The following BLVRA variants were observed in gnomAD, a reference collection of about 807,000 sequenced individuals.
BLVRA encodes biliverdin reductase A, also known as BVR A.
Under a neutral mutation model 32.8 loss-of-function variants are expected in BLVRA, and 22 were observed. That is an observed-to-expected ratio of 0.67 (90% CI 0.48 to 0.96). BLVRA has a LOEUF of 0.96. Ranked by LOEUF, BLVRA falls within the 40% of genes least tolerant of loss-of-function variation. The pLI is 0.00. For synonymous variants in BLVRA, 119 were observed against 141.3 expected (o/e 0.84, Z 1.12); for missense variants, 323 against 358.1 (o/e 0.90, Z 0.79).
At chr7:43,792,934 C>T in intron 5 of BLVRA, 122 bp downstream of exon 5, 1 of 918,608 alleles carries the variant, frequency 1.1e-6, no homozygotes, top group Non-Finnish European at 1.7e-6. Context: ...TGTGGGCTCC[C>T]AACTGCCTCC....
At chr7:43,798,199 A>C (rs376738654) in intron 5 of BLVRA, among the ~76,000 whole-genome samples, 127 of 108,654 alleles carry the variant, frequency 1.2e-3, no homozygotes, top group African/African-American at 2.4e-3. Flanking sequence ...CCATCTCACA[A>C]AAAAAAAAAA....
In BLVRA at chr7:43,787,938, T is replaced by C; in HGVS notation, c.47T>C (p.Val16Ala). The C allele has an allele frequency of 1.2e-6, 2 of 1,614,198 alleles. No homozygotes were observed. Among genetic ancestry groups the C allele is most frequent in the Non-Finnish European group, 1.7e-6 (2 of 1,180,032 alleles). Residue 16 changes from valine to alanine, a missense_variant, in exon 3 of 8, where the codon GTT becomes GCT. Transcript: ENST00000265523. This position sits in a 1 kb window ranked among gnomAD's most constrained non-coding sequence, Gnocchi z 4.5. The part of the protein sequence containing the change: ...ERKFGVVVVG[V>A]GRAGSVRMRD... ...AAGTTTGGCGTGGTGGTGGTTGGTGTTGGCCGAGCCGGCTCCGTGCGGATG... is the reference window on the plus strand; with the variant it reads ...AAGTTTGGCGTGGTGGTGGTTGGTGCTGGCCGAGCCGGCTCCGTGCGGATG...
intron 2 of BLVRA, among the ~76,000 whole-genome samples, chr7:43,771,852 T>G (rs902815159): frequency 2.0e-5 from 3 of 152,228 alleles, no homozygotes; most frequent in African/African-American, 7.2e-5. Flanking sequence ...GGCAGCTCCT[T>G]GCCAGTGCCC....
intron 2 of BLVRA, among the ~76,000 whole-genome samples, chr7:43,775,561 T>A (rs1050900135): frequency 1.3e-5 from 2 of 152,244 alleles, no homozygotes; most frequent in African/African-American, 4.8e-5. Flanking sequence ...ATTGAGGATT[T>A]TTGCATCAAT....
chr7:43,790,142 G>T (rs1459377366), intron 3 of BLVRA, among the ~76,000 whole-genome samples: 1 of 152,010 alleles, frequency 6.6e-6, no homozygotes, highest in Non-Finnish European at 1.5e-5. Flanking sequence ...AGGGCCTTCT[G>T]CTTGCTAGCT....
Position 43,806,962 on chromosome 7 carries a change from CT to C in BLVRA, c.633-11del. 1 of 1,613,356 alleles carries C rather than the reference CT, an allele frequency of 6.2e-7. No individual in the cohort carries two copies. The highest frequency in any genetic ancestry group is 1.1e-5 in the South Asian group (1 of 90,972). ...GTAATCTCTAACATGATTCTTTTGTCTTTTGTCTTTGCAGTCCACTGTCATG... is the reference window on the plus strand; with the variant it reads ...GTAATCTCTAACATGATTCTTTTGTCTTTGTCTTTGCAGTCCACTGTCATG... On this transcript the variant is annotated splice_polypyrimidine_tract_variant and intron_variant, in intron 7 of 7. Transcript: ENST00000265523.
At chr7:43,802,351 G>T (rs1253509023) in intron 6 of BLVRA, among the ~76,000 whole-genome samples, 1 of 152,082 alleles carries the variant, frequency 6.6e-6, no homozygotes, top group African/African-American at 2.4e-5. Context: ...TGAATATCAA[G>T]GTCATAAGAA....
intron 5 of BLVRA, among the ~76,000 whole-genome samples, chr7:43,798,321 T>C (rs2095795099): frequency 1.3e-5 from 2 of 151,968 alleles, no homozygotes. Flanking sequence ...AGGTGGTGTC[T>C]GACGGGCTTT....
chr7:43,780,381 G>A (rs780431050), intron 2 of BLVRA, among the ~76,000 whole-genome samples: 1 of 152,158 alleles, frequency 6.6e-6, no homozygotes, highest in African/African-American at 2.4e-5. Flanking sequence ...CAATATTTAT[G>A]TGACACCATA....
rs776275176 is a variant in BLVRA, at chr7:43,791,321, G to A, written c.207G>A (p.Glu69=). 6.2e-7 allele frequency: 1 copy of A among 1,614,194 alleles called. No homozygotes were observed. The highest frequency in any genetic ancestry group is 1.1e-5 in the South Asian group (1 of 91,084). Residue 69 remains glutamate (E), a synonymous_variant, in exon 4 of 8, where the codon GAG becomes GAA. Transcript: ENST00000265523. The part of the protein sequence containing the change: ...LEDALSSQEV[E]VAYICSESSS... ...ATGCTCTTTCCAGCCAAGAGGTGGA[G>A]GTCGCCTATATCTGCAGTGAGAGCT... is the stretch of plus-strand genomic sequence containing the variant.
At position 43,803,775 on chromosome 7, in the gene BLVRA, C is replaced by G. The variant is rs867045095; in HGVS notation, c.560C>G (p.Ser187Cys). The change falls in exon 7 of 8, where the codon TCT becomes TGT. Residue 187 changes from serine (S) to cysteine (C), a missense_variant. By Grantham distance (112) the Ser-to-Cys change is moderately radical. Transcript: ENST00000265523. ...VSLFGELSLV[S>C]ATLEERKEDQ... Reference sequence around the variant, plus strand: ...CTCTTTGGGGAGCTTTCTCTTGTGTCTGCCACTTTGGAAGAGCGAAAGGAA... The same window carrying G: ...CTCTTTGGGGAGCTTTCTCTTGTGTGTGCCACTTTGGAAGAGCGAAAGGAA... 1 of 1,614,136 alleles carries G rather than the reference C, an allele frequency of 6.2e-7. No homozygotes were observed. Among genetic ancestry groups the G allele is most frequent in the Non-Finnish European group, 8.5e-7 (1 of 1,179,998 alleles).
intron 1 of BLVRA, among the ~76,000 whole-genome samples, chr7:43,766,797 G>A (rs2095748500): frequency 6.6e-6 from 1 of 152,228 alleles, no homozygotes; most frequent in African/African-American, 2.4e-5. Context: ...TCACAGCTCT[G>A]TGAGCAACTA....
intron 1 of BLVRA, among the ~76,000 whole-genome samples, chr7:43,762,605 C>CTTTTTTTTTTTTTTTTTTTTTT (rs1563533682): frequency 8.4e-6 from 1 of 118,652 alleles, no homozygotes; most frequent in Non-Finnish European, 1.8e-5. Flanking sequence ...CCCAGTAGTT[C>CTTTTTTTTTTTTTTTTTTTTTT]CTTTTTTTTT....
At position 43,807,294 on chromosome 7, in the gene BLVRA, T is replaced by G; in HGVS notation, c.*59T>G. 1 of 1,591,740 alleles carries G rather than the reference T, an allele frequency of 6.3e-7. No homozygotes were observed. Among genetic ancestry groups the G allele is most frequent in the South Asian group, 1.1e-5 (1 of 90,520 alleles). The stretch of plus-strand genomic sequence containing the variant: ...ACCAGCATTTGGTTCTTCTCAAGAG[T>G]TGACCATTATCTCTATTCTTAAAAT... On this transcript the variant is annotated 3_prime_UTR_variant, in exon 8 of 8. Transcript: ENST00000265523.
chr7:43,758,344 C>T (rs988349164), upstream of BLVRA, among the ~76,000 whole-genome samples: 1 of 124,926 alleles, frequency 8.0e-6, no homozygotes, highest in Admixed American at 7.9e-5. Context: ...CCCCCCACGC[C>T]GGGGCCAGGC....
At chr7:43,776,400 C>G (rs2095760993) in intron 2 of BLVRA, among the ~76,000 whole-genome samples, 1 of 152,164 alleles carries the variant, frequency 6.6e-6, no homozygotes, top group Non-Finnish European at 1.5e-5. Flanking sequence ...TCATTATGTA[C>G]CCAGTAGTCA....
chr7:43,804,261 G>A (rs971384229), intron 7 of BLVRA, among the ~76,000 whole-genome samples: 2 of 152,310 alleles, frequency 1.3e-5, no homozygotes, highest in Non-Finnish European at 2.9e-5. Flanking sequence ...GGCTAACATG[G>A]TGAAACCCTG....
chr7:43,804,203 A>T (rs552549090), intron 7 of BLVRA, among the ~76,000 whole-genome samples: 2 of 152,336 alleles, frequency 1.3e-5, no homozygotes, highest in Non-Finnish European at 2.9e-5. Context: ...GCACTTGGGG[A>T]GGCCAAGGGT....
intron 5 of BLVRA, among the ~76,000 whole-genome samples, chr7:43,794,553 G>A (rs1377360646): frequency 1.3e-5 from 2 of 152,072 alleles, no homozygotes; most frequent in African/African-American, 4.8e-5. Context: ...TGGCCAACAT[G>A]GTGAAACCCC....
Sources: allele counts gnomAD v4.1 joint callset (sites outside exome capture counted in the v4.1 genomes callset), GRCh38; gene constraint gnomAD v4.1.1; non-coding constraint Gnocchi (gnomAD v3.1); transcripts MANE v1.5; gene names NCBI Gene and HGNC (gene_info 2026-07-23, HGNC 2026-07-21).